The following ASPRV1 variants were observed in gnomAD, a reference collection of about 807,000 sequenced individuals.
The protein encoded by ASPRV1 is aspartic peptidase retroviral like 1, also known as retroviral-like aspartic protease 1.
ASPRV1 carries 7 observed loss-of-function variants against 11.0 expected under a neutral mutation model. The observed-to-expected ratio is 0.64, with a 90% CI of 0.36 to 1.20. The LOEUF is 1.20. Ranked by LOEUF, ASPRV1 falls within the 50% of genes most tolerant of loss-of-function variation. The probability of loss-of-function intolerance (pLI) is 0.02; values close to 1 mark genes in which losing one functional copy is unlikely to be tolerated. For synonymous variants in ASPRV1, 136 were observed against 138.4 expected, an observed-to-expected ratio of 0.98 and a Z score of 0.12; for missense variants, 299 against 320.0, an observed-to-expected ratio of 0.93 and a Z score of 0.50.
chr2:70,038,682 G>GAA, the ASPRV1 span, among the ~76,000 whole-genome samples: 107 of 152,224 alleles, frequency 7.0e-4, no homozygotes, highest in Non-Finnish European at 1.2e-3. Flanking sequence ...GGAAGAGTTT[G>GAA]AGAGAGTTAA....
At chr2:69,949,704 G>A in the ASPRV1 span, among the ~76,000 whole-genome samples, 14 of 151,992 alleles carry the variant, frequency 9.2e-5, no homozygotes, top group East Asian at 1.9e-4. Context: ...CTTACATTTC[G>A]GCATATTTAG....
chr2:70,008,437 GC>G, the ASPRV1 span, among the ~76,000 whole-genome samples: 1 of 137,428 alleles, frequency 7.3e-6, no homozygotes, highest in Non-Finnish European at 1.5e-5. Context: ...CAGGCATGAG[GC>G]TGCCGATGAA....
the ASPRV1 span, among the ~76,000 whole-genome samples, chr2:70,051,707 T>C: frequency 1.3e-5 from 2 of 152,100 alleles, no homozygotes; most frequent in Non-Finnish European, 1.5e-5. Context: ...GGTGTGGTGG[T>C]TGACACCTGT....
the ASPRV1 span, chr2:69,941,566 GTGTTT>G: frequency 6.6e-6 from 1 of 152,134 alleles, no homozygotes; most frequent in African/African-American, 2.4e-5. Context: ...GGCCACTTGA[GTGTTT>G]TGTTTTGTTT....
At chr2:69,944,400 C>T in the ASPRV1 span, among the ~76,000 whole-genome samples, 37 of 152,322 alleles carry the variant, frequency 2.4e-4, 2 homozygotes, top group South Asian at 6.2e-3. Flanking sequence ...GGGCTGGGTG[C>T]GCCACTGCAG....
At chr2:70,085,312 TC>T in the ASPRV1 span, among the ~76,000 whole-genome samples, 14 of 151,752 alleles carry the variant, frequency 9.2e-5, no homozygotes, top group Non-Finnish European at 1.9e-4. Flanking sequence ...CTGAATCACT[TC>T]CCCCTCCCTA....
the ASPRV1 span, among the ~76,000 whole-genome samples, chr2:70,026,387 G>T: frequency 6.8e-6 from 1 of 147,518 alleles, no homozygotes; most frequent in South Asian, 2.1e-4. Context: ...AAAAAAAAAA[G>T]AAATAAAGGG....
At chr2:70,056,729 G>GTT in the ASPRV1 span, 5 of 8,562 alleles carry the variant, frequency 5.8e-4, no homozygotes, top group East Asian at 0.015. Flanking sequence ...AACTGCTTTT[G>GTT]TTTTGTTTTG....
chr2:70,044,528 C>T, the ASPRV1 span, among the ~76,000 whole-genome samples: 3 of 152,108 alleles, frequency 2.0e-5, no homozygotes, highest in African/African-American at 7.2e-5. Flanking sequence ...GACACGATCT[C>T]GGCTCACGGC....
chr2:69,959,242 C>A (rs1390277898), downstream of ASPRV1, among the ~76,000 whole-genome samples: 1 of 152,112 alleles, frequency 6.6e-6, no homozygotes, highest in African/African-American at 2.4e-5. Flanking sequence ...GATCCCTGCA[C>A]GTTCGAGTCT....
chr2:69,935,593 C>T, the ASPRV1 span: 1 of 667,664 alleles, frequency 1.5e-6, no homozygotes, highest in East Asian at 2.8e-5. Context: ...TCACAGGTAC[C>T]TCAAATGCAA....
the ASPRV1 span, among the ~76,000 whole-genome samples, chr2:69,989,622 C>T: frequency 2.0e-5 from 3 of 152,358 alleles, no homozygotes; most frequent in East Asian, 5.8e-4. Flanking sequence ...CACAGCCGCC[C>T]CCAGAGTAAA....
the ASPRV1 span, among the ~76,000 whole-genome samples, chr2:70,051,977 A>C: frequency 6.6e-6 from 1 of 151,998 alleles, no homozygotes; most frequent in South Asian, 2.1e-4. Context: ...CCTGTCTCCA[A>C]AAAAAAGGGG....
the ASPRV1 span, among the ~76,000 whole-genome samples, chr2:70,014,813 A>AG: frequency 8.0e-5 from 12 of 150,456 alleles, no homozygotes; most frequent in African/African-American, 2.5e-4. Flanking sequence ...AAAAAAAAAA[A>AG]AAAAAGAAAA....
the ASPRV1 span, chr2:69,996,803 A>G: frequency 2.2e-6 from 1 of 451,286 alleles, no homozygotes; most frequent in African/African-American, 2.0e-5. Context: ...ACGGTCAGAT[A>G]CTGTCCCTAA....
the ASPRV1 span, among the ~76,000 whole-genome samples, chr2:70,065,808 G>C: frequency 9.5e-6 from 1 of 105,584 alleles, no homozygotes; most frequent in Non-Finnish European, 1.8e-5. Flanking sequence ...GACAGAACGA[G>C]GCTTTTGACT....
At chr2:70,079,901 T>C in the ASPRV1 span, among the ~76,000 whole-genome samples, 2 of 150,156 alleles carry the variant, frequency 1.3e-5, no homozygotes, top group Non-Finnish European at 2.9e-5. Flanking sequence ...TCAATGCTCT[T>C]AATCGGGACA....
At chr2:69,943,660 C>G in the ASPRV1 span, among the ~76,000 whole-genome samples, 1 of 152,214 alleles carries the variant, frequency 6.6e-6, no homozygotes, top group Admixed American at 6.5e-5. Context: ...TGAACAAATA[C>G]GGCTTGAGTA....
the ASPRV1 span, among the ~76,000 whole-genome samples, chr2:69,949,703 C>A: frequency 6.6e-6 from 1 of 152,220 alleles, no homozygotes; most frequent in East Asian, 1.9e-4. Flanking sequence ...GCTTACATTT[C>A]GGCATATTTA....
Sources: gnomAD v4.1 joint callset for allele counts (sites outside exome capture counted in the v4.1 genomes callset) on GRCh38, gnomAD v4.1.1 for gene constraint, MANE v1.5 for transcripts, NCBI Gene and HGNC (gene_info 2026-07-23, HGNC 2026-07-21) for gene names.